SYT1: variants seen among roughly 807,000 people sequenced by gnomAD.
SYT1 encodes synaptotagmin 1.
A neutral mutation model predicts 44.8 loss-of-function variants in SYT1; 8 were observed. The observed-to-expected ratio is 0.18, with a 90% CI of 0.10 to 0.32. SYT1 has a LOEUF of 0.32. SYT1 is among the 10% of genes least tolerant of loss of function. The pLI is 1.00. For synonymous variants in SYT1, 154 were observed against 188.8 expected (o/e 0.82, Z 1.51); for missense variants, 286 against 509.3 (o/e 0.56, Z 4.22).
chr12:78,917,735 T>C (rs1876749829), intron 1 of SYT1, among the ~76,000 whole-genome samples: 1 of 151,914 alleles, frequency 6.6e-6, no homozygotes, highest in African/African-American at 2.4e-5. Flanking sequence ...GCTTTGAAGA[T>C]GGTTGTTTTG....
intron 4 of SYT1, among the ~76,000 whole-genome samples, chr12:79,276,033 T>A (rs1056705842): frequency 6.6e-6 from 1 of 152,152 alleles, no homozygotes; most frequent in African/African-American, 2.4e-5. Context: ...TCATAAACTA[T>A]ACACATTATA....
chr12:79,231,493 TA>T (rs945695844), intron 4 of SYT1, among the ~76,000 whole-genome samples: 166 of 147,796 alleles, frequency 1.1e-3, no homozygotes, highest in Non-Finnish European at 1.9e-3. Flanking sequence ...AAGTTTTTCT[TA>T]AAAAAAAAAG....
chr12:79,427,787 G>A (rs1380814160), intron 9 of SYT1, among the ~76,000 whole-genome samples: 1 of 152,156 alleles, frequency 6.6e-6, no homozygotes, highest in Non-Finnish European at 1.5e-5. Context: ...AGGCTGGAGT[G>A]GAGGCAGCAA....
chr12:79,152,157 A>G lies in SYT1; in HGVS notation c.-17-65346A>G, dbSNP rs180727305. Among the ~76,000 whole-genome samples, 444 of 152,288 alleles carry G rather than the reference A, an allele frequency of 2.9e-3. 4 individuals carry two copies. Among genetic ancestry groups the G allele is most frequent in the African/African-American group, 6.9e-3 (285 of 41,566 alleles). The stretch of plus-strand genomic sequence containing the variant: ...AAAATAAACTTAGGAAATTTGAACG[A>G]TAAGACTTTAGATGACCTGCGAGAA... On this transcript the variant is annotated intron_variant, in intron 3 of 10. Transcript: ENST00000261205.
At chr12:79,358,221 T>G (rs1042302030) in intron 9 of SYT1, among the ~76,000 whole-genome samples, 8 of 152,222 alleles carry the variant, frequency 5.3e-5, no homozygotes, top group Non-Finnish European at 1.0e-4. Context: ...AGTTTTCTAT[T>G]TAAGGACATG....
At chr12:79,390,407 A>C (rs1884611439) in intron 9 of SYT1, among the ~76,000 whole-genome samples, 1 of 151,834 alleles carries the variant, frequency 6.6e-6, no homozygotes, top group South Asian at 2.1e-4. Flanking sequence ...CATTTTTATT[A>C]AAGTTATGCA....
intron 1 of SYT1, among the ~76,000 whole-genome samples, chr12:78,975,669 A>G (rs1868774761): frequency 6.6e-6 from 1 of 152,180 alleles, no homozygotes; most frequent in Non-Finnish European, 1.5e-5. Flanking sequence ...TCATAATCCC[A>G]ATGACAGATG....
intron 1 of SYT1, among the ~76,000 whole-genome samples, chr12:78,968,109 G>A (rs911214571): frequency 4.6e-5 from 7 of 152,120 alleles, no homozygotes; most frequent in Non-Finnish European, 7.4e-5. Context: ...AAATTTAATT[G>A]TAAATAGGAG....
intron 3 of SYT1, among the ~76,000 whole-genome samples, chr12:79,122,348 A>G (rs772742365): frequency 6.6e-6 from 1 of 150,540 alleles, no homozygotes; most frequent in Non-Finnish European, 1.5e-5. Context: ...CCCCGTCTCT[A>G]CTAAAAATAC....
rs73349490 is a variant in SYT1 at position 79,263,057 on chromosome 12, T to C, written c.167-22730T>C. Among the ~76,000 whole-genome samples the C allele has an allele frequency of 2.4e-3, 367 of 152,316 alleles. 1 individual carries two copies. The highest frequency in any genetic ancestry group is 8.5e-3 in the African/African-American group (355 of 41,584). On this transcript the variant is annotated intron_variant, in intron 4 of 10. Transcript: ENST00000261205. ...TGGTCGCTTACTGCCCCCTCTGCAA[T>C]GTCCAGAATGCATTCCTAATTTTCA... is the stretch of plus-strand genomic sequence containing the variant.
chr12:78,878,362 G>A (rs1291854451), intron 1 of SYT1, among the ~76,000 whole-genome samples: 1 of 151,654 alleles, frequency 6.6e-6, no homozygotes, highest in African/African-American at 2.4e-5. Context: ...ACATAATGTG[G>A]GAATTTTACT....
At chr12:79,275,920 T>G (rs1878690032) in intron 4 of SYT1, among the ~76,000 whole-genome samples, 1 of 152,188 alleles carries the variant, frequency 6.6e-6, no homozygotes, top group Non-Finnish European at 1.5e-5. Context: ...ACATAGCTAC[T>G]ACAAGCAGCA....
chr12:79,347,543 T>G (rs1795744898), intron 8 of SYT1, among the ~76,000 whole-genome samples: 1 of 152,160 alleles, frequency 6.6e-6, no homozygotes, highest in Non-Finnish European at 1.5e-5. Context: ...GGGGTTGATC[T>G]AAAGGACACA....
intron 9 of SYT1, chr12:79,392,810 T>A (rs1038628536): frequency 1.3e-5 from 2 of 151,034 alleles, no homozygotes; most frequent in Non-Finnish European, 3.0e-5. Context: ...TTTTTTTTTT[T>A]TTTTTTAGTT....
chr12:79,178,974 A>C lies in SYT1; in HGVS notation c.-17-38529A>C, dbSNP rs146653477. ...GATATAGATATAGATATAGATATAT[A>C]GATATAGATATATCTATATAGATAT... On this transcript the variant is annotated intron_variant, in intron 3 of 10. Coordinates refer to ENST00000261205, the MANE Select transcript of SYT1 (RefSeq NM_005639.3). Among the ~76,000 whole-genome samples, 315 of 99,122 alleles carry C rather than the reference A, an allele frequency of 3.2e-3. 66 individuals carry two copies. Among genetic ancestry groups the C allele is most frequent in the African/African-American group, 0.012 (284 of 23,364 alleles). 65.0% of individuals were successfully genotyped at this position (99,122 alleles called of 152,430 possible). A position where few individuals can be genotyped will look rare whatever the true frequency, so the allele number is the denominator to read the frequency against.
chr12:79,066,237 A>G (rs969902661), intron 3 of SYT1, among the ~76,000 whole-genome samples: 8 of 152,192 alleles, frequency 5.3e-5, no homozygotes, highest in Non-Finnish European at 8.8e-5. Context: ...ACATTTTACC[A>G]GAAGCAGGGT....
rs1445737474 is a variant in SYT1 at position 78,973,937 on chromosome 12, AAATATATATATATATATATATATAT to A, written c.-216-3860_-216-3836del. Among the ~76,000 whole-genome samples, 14 of 23,252 alleles carry A rather than the reference AAATATATATATATATATATATATAT, an allele frequency of 6.0e-4. 2 individuals carry two copies. The highest frequency in any genetic ancestry group is 1.7e-3 in the African/African-American group (8 of 4,738). The allele number at this position is 23,252 out of a possible 152,430, so 15.3% of individuals were successfully genotyped here. A position where few individuals can be genotyped will look rare whatever the true frequency, so the allele number is the denominator to read the frequency against. On this transcript the variant is annotated intron_variant, in intron 1 of 10. Coordinates refer to ENST00000261205, the MANE Select transcript of SYT1 (RefSeq NM_005639.3). ...ACACCAAAAAAAAAAAAAAAAAAAAAAATATATATATATATATATATATATATATATATATATATATATATATATA... is the reference window on the plus strand; with the variant it reads ...ACACCAAAAAAAAAAAAAAAAAAAAAATATATATATATATATATATATATA...
intron 3 of SYT1, among the ~76,000 whole-genome samples, chr12:79,146,353 G>A (rs996745229): frequency 3.9e-5 from 6 of 152,282 alleles, no homozygotes; most frequent in Middle Eastern, 3.4e-3. Flanking sequence ...ACTGTCAGCT[G>A]TATGTCAGGC....
At chr12:78,991,088 G>A (rs1258023893) in intron 2 of SYT1, among the ~76,000 whole-genome samples, 4 of 151,938 alleles carry the variant, frequency 2.6e-5, no homozygotes, top group Admixed American at 1.3e-4. Flanking sequence ...AACAATTTAT[G>A]AATACAAATG....
Sources: allele counts gnomAD v4.1 joint callset (sites outside exome capture counted in the v4.1 genomes callset), GRCh38; gene constraint gnomAD v4.1.1; transcripts MANE v1.5; gene names NCBI Gene and HGNC (gene_info 2026-07-23, HGNC 2026-07-21).